Variants in OVOL2 observed in about 807,000 individuals in gnomAD.
OVOL2 encodes the protein transcription factor Ovo-like 2.
In OVOL2, 13 loss-of-function variants were observed where a neutral mutation model predicts 18.1. The observed-to-expected ratio is 0.72, with a 90% CI of 0.47 to 1.14. The LOEUF is 1.14. OVOL2 is among the 50% of genes most tolerant of loss of function. The pLI, the probability that OVOL2 is intolerant of heterozygous loss-of-function variation, is 0.00. For synonymous variants in OVOL2, 166 were observed against 162.7 expected (o/e 1.02, Z -0.16); for missense variants, 335 against 383.0 (o/e 0.87, Z 1.05).
intron 2 of OVOL2, among the ~76,000 whole-genome samples, chr20:18,044,945 T>A (rs2036711867): frequency 6.6e-6 from 1 of 152,132 alleles, no homozygotes; most frequent in Non-Finnish European, 1.5e-5. Context: ...CAAGATCCCC[T>A]TAGGAGTCTA....
intron 2 of OVOL2, among the ~76,000 whole-genome samples, chr20:18,044,711 C>A (rs1181537061): frequency 6.6e-6 from 1 of 152,130 alleles, no homozygotes; most frequent in Non-Finnish European, 1.5e-5. Context: ...TCTGAGAGGC[C>A]CAGGGGTCCG....
At chr20:18,026,156 T>C (rs2122684777) in intron 3 of OVOL2, among the ~76,000 whole-genome samples, 1 of 152,312 alleles carries the variant, frequency 6.6e-6, no homozygotes, top group East Asian at 1.9e-4. Flanking sequence ...GCATTGCCGC[T>C]CCTACCTCCA....
At chr20:18,039,458 CA>C (rs1370576093) in intron 3 of OVOL2, among the ~76,000 whole-genome samples, 2 of 151,668 alleles carry the variant, frequency 1.3e-5, no homozygotes, top group East Asian at 3.9e-4. Flanking sequence ...CTCATCTCTA[CA>C]AAAAATACAA....
intron 2 of OVOL2, among the ~76,000 whole-genome samples, chr20:18,045,399 C>T (rs2036716152): frequency 6.6e-6 from 1 of 152,210 alleles, no homozygotes; most frequent in Admixed American, 6.5e-5. Context: ...ACTCACCAAC[C>T]ATAGTTCAAA....
chr20:18,046,058 C>G (rs531297963), intron 2 of OVOL2, among the ~76,000 whole-genome samples: 68 of 152,222 alleles, frequency 4.5e-4, no homozygotes, highest in African/African-American at 1.6e-3. Flanking sequence ...ATCCAGCCAT[C>G]AGATATTAAC....
rs754549677 is a variant in OVOL2 at position 18,024,792 on chromosome 20, G to C, written c.672C>G (p.Pro224=). Residue 224 remains proline (P), a synonymous_variant, in exon 4 of 4, where the codon CCC becomes CCG. Coordinates refer to ENST00000278780, the MANE Select transcript of OVOL2 (RefSeq NM_021220.4). ...CGTGCAGGTACAGGTCCTCCTGGGT[G>C]GGGCCCGTGTAGCCGCAATCCTCGC... is the stretch of plus-strand genomic sequence containing the variant. ...YVCEDCGYTG[P]TQEDLYLHVN... 7.0e-5 allele frequency: 113 copies of C among 1,614,096 alleles called. No homozygotes were observed. Among genetic ancestry groups the C allele is most frequent in the Non-Finnish European group, 9.2e-5 (109 of 1,180,052 alleles).
At chr20:18,045,144 G>C (rs2036713718) in intron 2 of OVOL2, among the ~76,000 whole-genome samples, 1 of 152,112 alleles carries the variant, frequency 6.6e-6, no homozygotes, top group African/African-American at 2.4e-5. Context: ...TATCACCCAC[G>C]CAGTTCATGT....
chr20:18,054,320 G>A (rs2036796989), intron 2 of OVOL2, among the ~76,000 whole-genome samples: 1 of 152,230 alleles, frequency 6.6e-6, no homozygotes, highest in Admixed American at 6.5e-5. Flanking sequence ...AGGAACACCA[G>A]GGTGGGAGCA....
intron 3 of OVOL2, among the ~76,000 whole-genome samples, chr20:18,039,622 AGAAAG>A (rs1568635373): frequency 8.0e-6 from 1 of 125,288 alleles, no homozygotes; most frequent in Non-Finnish European, 1.6e-5. Flanking sequence ...AAAAAAAAAA[AGAAAG>A]AAAGAAAGAA....
chr20:18,043,906 G>C (rs1249235350), intron 2 of OVOL2, among the ~76,000 whole-genome samples: 2 of 152,146 alleles, frequency 1.3e-5, no homozygotes, highest in Non-Finnish European at 2.9e-5. Context: ...GGATCCCATT[G>C]CTCTGCCAAA....
chr20:18,041,899 C>CAA (rs749856385), intron 2 of OVOL2, among the ~76,000 whole-genome samples, 176 bp from the exon 3 acceptor site: 8,937 of 139,156 alleles, frequency 0.064, 282 homozygotes, highest in African/African-American at 0.1. Flanking sequence ...CAGTTCCTCC[C>CAA]ACCCTTTTTT....
At chr20:18,033,490 C>T (rs573169992) in intron 3 of OVOL2, among the ~76,000 whole-genome samples, 1 of 152,354 alleles carries the variant, frequency 6.6e-6, no homozygotes, top group African/African-American at 2.4e-5. Flanking sequence ...TGTGTGTGCC[C>T]TTCTCACCTG....
intron 3 of OVOL2, among the ~76,000 whole-genome samples, chr20:18,029,270 C>T (rs1002606942): frequency 5.3e-5 from 8 of 152,050 alleles, no homozygotes; most frequent in Admixed American, 2.0e-4. Flanking sequence ...CTCAGGAGAT[C>T]CACCTGCCTC....
intron 3 of OVOL2, among the ~76,000 whole-genome samples, chr20:18,034,651 T>TCTCTCACA (rs773350112): frequency 6.7e-4 from 98 of 145,690 alleles, no homozygotes; most frequent in African/African-American, 2.4e-3. Context: ...TCTCTCTCTC[T>TCTCTCACA]CACACACACA....
intron 3 of OVOL2, among the ~76,000 whole-genome samples, chr20:18,028,502 TA>T (rs891375018): frequency 1.3e-5 from 2 of 151,764 alleles, no homozygotes; most frequent in Non-Finnish European, 2.9e-5. Context: ...TATTAAAATA[TA>T]AAAAATAGGC....
At chr20:18,029,041 T>TTATTG (rs67352779) in intron 3 of OVOL2, among the ~76,000 whole-genome samples, 50,282 of 151,598 alleles carry the variant, frequency 0.33, 8,747 homozygotes, top group South Asian at 0.43. Flanking sequence ...TTATTTTATT[T>TTATTG]TTTGAGAAGG....
intron 2 of OVOL2, among the ~76,000 whole-genome samples, chr20:18,053,468 A>C (rs2122726253): frequency 6.6e-6 from 1 of 152,294 alleles, no homozygotes; most frequent in Middle Eastern, 3.4e-3. Context: ...TGGGAGGCCA[A>C]GGTGGGCAGA....
Position 18,032,520 on chromosome 20 carries a change from A to T in OVOL2, c.512-7568T>A, listed in dbSNP as rs550331840. Among the ~76,000 whole-genome samples the T allele has an allele frequency of 2.6e-3, 395 of 151,916 alleles. 1 individual carries two copies. Among genetic ancestry groups the T allele is most frequent in the African/African-American group, 9.0e-3 (375 of 41,448 alleles). ...TTCTTTTATTATTATTATTATTATTATTTTGAGATGGAGTCTCACTCTGTT... is the reference window on the plus strand; with the variant it reads ...TTCTTTTATTATTATTATTATTATTTTTTTGAGATGGAGTCTCACTCTGTT... On this transcript the variant is annotated intron_variant, in intron 3 of 3. Coordinates refer to ENST00000278780, the MANE Select transcript of OVOL2 (RefSeq NM_021220.4).
At chr20:18,033,087 T>G (rs1436380181) in intron 3 of OVOL2, among the ~76,000 whole-genome samples, 1 of 152,232 alleles carries the variant, frequency 6.6e-6, no homozygotes, top group African/African-American at 2.4e-5. Flanking sequence ...TTCTTCTCCA[T>G]CTGGCCCACT....
Sources: allele counts gnomAD v4.1 joint callset (sites outside exome capture counted in the v4.1 genomes callset), GRCh38; gene constraint gnomAD v4.1.1; transcripts MANE v1.5; gene names NCBI Gene and HGNC (gene_info 2026-07-23, HGNC 2026-07-21).